Variants in ATP8B4 observed in about 807,000 individuals in gnomAD.
ATP8B4 encodes probable phospholipid-transporting ATPase IM.
ATP8B4 carries 133 observed loss-of-function variants against 145.6 expected under a neutral mutation model. That is an observed-to-expected ratio of 0.91 (90% confidence interval 0.79 to 1.05). The LOEUF (loss-of-function observed/expected upper bound fraction) is 1.05. Ranked by LOEUF, ATP8B4 falls within the 50% of genes least tolerant of loss-of-function variation. The pLI is 0.00. For missense variants in ATP8B4, 1,458 were observed against 1,425.2 expected (o/e 1.02, Z -0.37); for synonymous variants, 507 against 492.9 (o/e 1.03, Z -0.38).
chr15:50,016,680 C>A (rs568209872), intron 6 of ATP8B4, among the ~76,000 whole-genome samples: 16 of 152,242 alleles, frequency 1.1e-4, no homozygotes, highest in African/African-American at 3.9e-4. Context: ...TCATTGGATG[C>A]AGGATGACCC....
At chr15:49,960,859 G>A (rs773554271) in intron 14 of ATP8B4, among the ~76,000 whole-genome samples, 29 of 152,284 alleles carry the variant, frequency 1.9e-4, no homozygotes, top group Non-Finnish European at 3.8e-4. Flanking sequence ...GAGGCCGGGC[G>A]CAGTGGCTCA....
intron 11 of ATP8B4, among the ~76,000 whole-genome samples, chr15:49,980,211 A>T (rs2046034240): frequency 6.6e-6 from 1 of 152,172 alleles, no homozygotes; most frequent in Non-Finnish European, 1.5e-5. Flanking sequence ...TGAAAGTAAA[A>T]CACAGAGCCT....
At chr15:50,168,423 C>A (rs2044624390) in intron 1 of ATP8B4, among the ~76,000 whole-genome samples, 1 of 152,110 alleles carries the variant, frequency 6.6e-6, no homozygotes, top group African/African-American at 2.4e-5. Context: ...ACTGCAGAAG[C>A]TGAAGGTCTG....
At chr15:50,138,641 A>G (rs1449958085) in intron 1 of ATP8B4, among the ~76,000 whole-genome samples, 1 of 152,200 alleles carries the variant, frequency 6.6e-6, no homozygotes, top group Admixed American at 6.5e-5. Context: ...ACTATTATCT[A>G]AGAAGCATAC....
chr15:49,946,886 C>T (rs2042614842), intron 14 of ATP8B4, among the ~76,000 whole-genome samples: 1 of 152,206 alleles, frequency 6.6e-6, no homozygotes, highest in Non-Finnish European at 1.5e-5. Flanking sequence ...GAACACTGGT[C>T]AGACAAGAGC....
intron 8 of ATP8B4, among the ~76,000 whole-genome samples, chr15:49,997,231 T>TA: frequency 6.6e-6 from 1 of 152,224 alleles, no homozygotes; most frequent in South Asian, 2.1e-4. Flanking sequence ...TTCATTTTCT[T>TA]AGAGAATCAA....
rs1461359375 is a variant in ATP8B4 at position 50,086,487 on chromosome 15, A to G, written c.29-12302T>C. On this transcript the variant is annotated intron_variant, in intron 2 of 27. Coordinates refer to ENST00000284509, the MANE Select transcript of ATP8B4 (RefSeq NM_024837.4). ...ATTATTATATATAATAAAATAATAT[A>G]GAGATCTATATTTAATTATATATAA... is the stretch of plus-strand genomic sequence containing the variant. 2.7e-5 allele frequency among the ~76,000 whole-genome samples: 2 copies of G among 72,884 alleles called. 1 individual carries two copies. The highest frequency in any genetic ancestry group is 1.7e-4 in the African/African-American group (2 of 11,984). The allele number at this position is 72,884 out of a possible 152,430, so 47.8% of individuals were successfully genotyped here. A position where few individuals can be genotyped will look rare whatever the true frequency, so the allele number is the denominator to read the frequency against.
At chr15:50,026,004 C>T (rs2049981186) in intron 6 of ATP8B4, among the ~76,000 whole-genome samples, 1 of 152,200 alleles carries the variant, frequency 6.6e-6, no homozygotes, top group Non-Finnish European at 1.5e-5. Context: ...CCTTTTGCTA[C>T]AATTTCTTCC....
intron 3 of ATP8B4, among the ~76,000 whole-genome samples, chr15:50,073,237 C>T (rs2053968045): frequency 2.0e-5 from 3 of 151,612 alleles, no homozygotes; most frequent in Admixed American, 2.0e-4. Context: ...CCTCCCCTAG[C>T]TCCCTAGGCC....
At chr15:50,176,035 TAG>T (rs779235358) in intron 1 of ATP8B4, among the ~76,000 whole-genome samples, 2 of 150,602 alleles carry the variant, frequency 1.3e-5, no homozygotes, top group South Asian at 4.2e-4. Flanking sequence ...TATCATAGTA[TAG>T]AGAGAGTGTA....
At chr15:49,977,965 G>A (rs1230069158) in intron 12 of ATP8B4, among the ~76,000 whole-genome samples, 1 of 152,092 alleles carries the variant, frequency 6.6e-6, no homozygotes, top group Non-Finnish European at 1.5e-5. Context: ...ACCAAGACCA[G>A]AAACTGGGTT....
At chr15:50,077,094 A>G (rs1277851513) in intron 2 of ATP8B4, among the ~76,000 whole-genome samples, 1 of 152,230 alleles carries the variant, frequency 6.6e-6, no homozygotes. Flanking sequence ...AAGAGGAATG[A>G]AAGGAAACTA....
chr15:50,048,242 C>T (rs2051879016), intron 3 of ATP8B4, among the ~76,000 whole-genome samples: 1 of 151,902 alleles, frequency 6.6e-6, no homozygotes, highest in Non-Finnish European at 1.5e-5. Flanking sequence ...CCAAAATTTG[C>T]ATATTAATGC....
intron 1 of ATP8B4, among the ~76,000 whole-genome samples, chr15:50,151,365 G>C (rs2044345023): frequency 6.6e-6 from 1 of 152,172 alleles, no homozygotes; most frequent in African/African-American, 2.4e-5. Context: ...GGCAGATTTA[G>C]ATTTTACCTA....
Position 50,044,685 on chromosome 15 carries a change from G to C in ATP8B4, c.209C>G (p.Pro70Arg). ...FLCLLILQLI[P>R]EISSLTWFTT... The stretch of plus-strand genomic sequence containing the variant: ...AAACCAGGTCAAGGAGGAAATTTCT[G>C]GAATTAGCTGAAACAAACATTCCAA... The change falls in exon 5 of 28, where the codon CCA (proline) becomes CGA (arginine). Residue 70 changes from proline to arginine, a missense_variant. Pro to Arg is a moderately radical substitution (Grantham distance 103). Transcript: ENST00000284509. 1 of 1,610,506 alleles carries C rather than the reference G, an allele frequency of 6.2e-7. No individual in the cohort carries two copies. The highest frequency in any genetic ancestry group is 8.5e-7 in the Non-Finnish European group (1 of 1,177,290).
intron 14 of ATP8B4, among the ~76,000 whole-genome samples, chr15:49,958,339 A>G (rs920741439): frequency 6.6e-6 from 1 of 151,632 alleles, no homozygotes; most frequent in Non-Finnish European, 1.5e-5. Context: ...AATAAAAATA[A>G]ATAAATAAAG....
At chr15:49,954,103 T>C (rs1015928702) in intron 14 of ATP8B4, among the ~76,000 whole-genome samples, 2 of 152,304 alleles carry the variant, frequency 1.3e-5, no homozygotes, top group East Asian at 3.9e-4. Context: ...TGAATGTCAC[T>C]GCTACTAGTC....
At chr15:49,960,313 C>T (rs531506470) in intron 14 of ATP8B4, among the ~76,000 whole-genome samples, 2 of 152,308 alleles carry the variant, frequency 1.3e-5, no homozygotes, top group South Asian at 4.1e-4. Context: ...AGGCATGAGC[C>T]ACCACGCCCA....
intron 1 of ATP8B4, among the ~76,000 whole-genome samples, chr15:50,180,519 G>A (rs1213981934): frequency 6.6e-6 from 1 of 152,134 alleles, no homozygotes; most frequent in African/African-American, 2.4e-5. Flanking sequence ...GGACCCTTGT[G>A]GTAATCTAGC....
Sources: allele counts gnomAD v4.1 joint callset (sites outside exome capture counted in the v4.1 genomes callset), GRCh38; gene constraint gnomAD v4.1.1; transcripts MANE v1.5; gene names NCBI Gene and HGNC (gene_info 2026-07-23, HGNC 2026-07-21).